THSD1: variants seen among roughly 807,000 people sequenced by gnomAD.
The protein encoded by THSD1 is thrombospondin type-1 domain-containing protein 1.
In THSD1, 34 loss-of-function variants were observed where a neutral mutation model predicts 46.3. The observed-to-expected ratio is 0.74, with a 90% CI of 0.56 to 0.98. THSD1 has a LOEUF of 0.98. THSD1 is among the 50% of genes least tolerant of loss of function. The pLI is 0.00. For synonymous variants in THSD1, 407 were observed against 416.5 expected, an observed-to-expected ratio of 0.98 and a Z score of 0.28; for missense variants, 1,023 against 1,058.3, an observed-to-expected ratio of 0.97 and a Z score of 0.46.
chr13:52,402,896 C>G (rs916558272), intron 1 of THSD1: 44 of 985,138 alleles, frequency 4.5e-5, no homozygotes, highest in Non-Finnish European at 4.7e-5. Flanking sequence ...GCAGGTATGC[C>G]CAACACCCAC....
chr13:52,403,333 C>T lies in THSD1; in HGVS notation c.-81-652G>A, dbSNP rs116947624. Among the ~76,000 whole-genome samples the T allele has an allele frequency of 5.4e-3, 828 of 152,296 alleles. 30 individuals carry two copies. The highest frequency in any genetic ancestry group is 0.045 in the Admixed American group (695 of 15,298). On this transcript the variant is annotated intron_variant, in intron 1 of 4. Transcript: ENST00000258613. ...AAGGAGAAAACAGACAAATAACAAT[C>T]ATCTTCATCAGTCCTGCAATACTTG...
chr13:52,378,288 T>A lies in THSD1; in HGVS notation c.1682A>T (p.Asp561Val). Residue 561 changes from aspartate to valine, a missense_variant, in exon 5 of 5, where the codon GAC (aspartate) becomes GTC (valine). Asp to Val is a radical substitution (Grantham distance 152). This residue lies in a region of THSD1 where 578 missense variants were observed against 497.4 expected (regional missense o/e 1.16). Coordinates refer to ENST00000258613, the MANE Select transcript of THSD1 (RefSeq NM_018676.4). ...VYHVSQSPLT[D>V]TAIDAAPSAP... ...GCTGGGGGCCGCATCAATGGCAGTG[T>A]CTGTCAGGGGACTCTGAGACACGTG... The A allele has an allele frequency of 1.2e-6, 2 of 1,614,232 alleles. No homozygotes were observed. The highest frequency in any genetic ancestry group is 1.7e-6 in the Non-Finnish European group (2 of 1,180,046).
chr13:52,394,613 GAAAA>G (rs747265774), intron 3 of THSD1, among the ~76,000 whole-genome samples: 1 of 109,120 alleles, frequency 9.2e-6, no homozygotes. Flanking sequence ...GACTGTCCCA[GAAAA>G]AAAAAAAAAA....
chr13:52,390,073 C>T (rs1361371529), intron 3 of THSD1, among the ~76,000 whole-genome samples: 1 of 150,478 alleles, frequency 6.6e-6, no homozygotes, highest in East Asian at 2.0e-4. Flanking sequence ...CAGGGGAAGT[C>T]GAGGCTTCAG....
At chr13:52,400,731 G>A (rs145800205) in intron 2 of THSD1, among the ~76,000 whole-genome samples, 46 of 152,032 alleles carry the variant, frequency 3.0e-4, no homozygotes, top group African/African-American at 7.2e-4. Flanking sequence ...ACAGATCTAC[G>A]ACAATACCTA....
intron 4 of THSD1, 69 bp from the exon 5 acceptor site, chr13:52,378,858 C>CTT: frequency 1.5e-6 from 2 of 1,328,260 alleles, no homozygotes; most frequent in Non-Finnish European, 2.0e-6. Context: ...TTTACTTTTT[C>CTT]TTTTCTTTTT....
chr13:52,386,173 C>T lies in THSD1; in HGVS notation c.1035G>A (p.Leu345=), dbSNP rs139206980. The T allele has an allele frequency of 1.1e-5, 18 of 1,613,980 alleles. No individual in the cohort carries two copies. Among genetic ancestry groups the T allele is most frequent in the Non-Finnish European group, 1.5e-5 (18 of 1,179,984 alleles). Residue 345 remains leucine, a synonymous_variant, in exon 4 of 5, where the codon CTG becomes CTA. Coordinates refer to ENST00000258613, the MANE Select transcript of THSD1 (RefSeq NM_018676.4). ...CACTACACTGGCTCCATGGCTGCCACAGTCCCCAAGTTTCTGCAAGGATAT... is the reference window on the plus strand; with the variant it reads ...CACTACACTGGCTCCATGGCTGCCATAGTCCCCAAGTTTCTGCAAGGATAT... The part of the protein sequence containing the change: ...LIQRNTETWG[L]WQPWSQCSAT...
chr13:52,379,123 A>G (rs1329109682), intron 4 of THSD1, among the ~76,000 whole-genome samples: 1 of 152,144 alleles, frequency 6.6e-6, no homozygotes, highest in Non-Finnish European at 1.5e-5. Context: ...TGGCCTCCCA[A>G]AGTGCTGGGA....
In THSD1 at chr13:52,397,443, T is replaced by A. The variant is rs1957820325; in HGVS notation, c.810A>T (p.Gly270=). 6.2e-7 allele frequency: 1 copy of A among 1,614,010 alleles called. No homozygotes were observed. Among genetic ancestry groups the A allele is most frequent in the South Asian group, 1.1e-5 (1 of 91,078 alleles). The change falls in exon 3 of 5, where the codon GGA becomes GGT. Residue 270 remains glycine, a synonymous_variant. Transcript: ENST00000258613. ...VLPPPCTFVQ[G]VVTVFKEAPR... is the part of the protein sequence containing the mutation. ...GGGCCTCCTTGAAGACAGTGACCACTCCTTGGACGAAGGTGCATGGTGGAG... is the reference window on the plus strand; with the variant it reads ...GGGCCTCCTTGAAGACAGTGACCACACCTTGGACGAAGGTGCATGGTGGAG...
At position 52,397,914 on chromosome 13, in the gene THSD1, T is replaced by G. The variant is rs1223341683; in HGVS notation, c.339A>C (p.Pro113=). Residue 113 remains proline, a synonymous_variant, in exon 3 of 5, where the codon CCA becomes CCC. Coordinates refer to ENST00000258613, the MANE Select transcript of THSD1 (RefSeq NM_018676.4). The part of the protein sequence containing the change: ...MTPEATDNST[P]FPWWEKSAFL... The stretch of plus-strand genomic sequence containing the variant: ...AGGCACTTTTCTCCCACCAGGGGAA[T>G]GGAGTGCTGTTGTCTGTTGCTTCTG... 6.2e-7 allele frequency: 1 copy of G among 1,614,138 alleles called. No individual in the cohort carries two copies. The highest frequency in any genetic ancestry group is 8.5e-7 in the Non-Finnish European group (1 of 1,180,052).
intron 3 of THSD1, 130 bp from the exon 4 acceptor site, chr13:52,386,316 T>C: frequency 1.2e-6 from 1 of 856,830 alleles, no homozygotes; most frequent in Non-Finnish European, 1.8e-6. Flanking sequence ...TTCCCAGAGA[T>C]GAAGAAAGCT....
Position 52,388,629 on chromosome 13 carries a change from G to A in THSD1, c.1022-2443C>T, listed in dbSNP as rs573176246. On this transcript the variant is annotated intron_variant, in intron 3 of 4. Transcript: ENST00000258613. Reference sequence around the variant, plus strand: ...CGAGTAGCTGGAATTACAGGCATGCGCCACCACATCCAGCTAACTTATGGT... The same window carrying A: ...CGAGTAGCTGGAATTACAGGCATGCACCACCACATCCAGCTAACTTATGGT... Among the ~76,000 whole-genome samples the A allele has an allele frequency of 1.1e-4, 16 of 151,970 alleles. No homozygotes were observed. In the South Asian group the frequency reaches 1.5e-3, roughly 14 times the overall value.
At chr13:52,405,574 C>T (rs1393676753) in intron 1 of THSD1, among the ~76,000 whole-genome samples, 5 of 152,208 alleles carry the variant, frequency 3.3e-5, no homozygotes, top group Admixed American at 6.5e-5. Flanking sequence ...GCCCCATCTA[C>T]TCAGCTTCCC....
At chr13:52,389,152 G>A (rs1030784508) in intron 3 of THSD1, among the ~76,000 whole-genome samples, 3 of 151,658 alleles carry the variant, frequency 2.0e-5, no homozygotes, top group Non-Finnish European at 4.4e-5. Context: ...TAGTAGAGAC[G>A]GGGTTTCACC....
At chr13:52,380,850 C>T (rs536987822) in intron 4 of THSD1, among the ~76,000 whole-genome samples, 1 of 152,154 alleles carries the variant, frequency 6.6e-6, no homozygotes, top group East Asian at 1.9e-4. Context: ...ATGCCCATGC[C>T]ATCCTTGCCA....
chr13:52,397,601 C>T lies in THSD1; in HGVS notation c.652G>A (p.Val218Met). 6.2e-7 allele frequency: 1 copy of T among 1,614,184 alleles called. No homozygotes were observed. The highest frequency in any genetic ancestry group is 8.5e-7 in the Non-Finnish European group (1 of 1,180,020). ...PLGPEAYVTVVLKLLGRDSVI... is the reference protein window; with the variant it reads ...PLGPEAYVTVMLKLLGRDSVI... ...GAGTCTCGCCCAAGCAGCTTCAGCACCACGGTGACATAGGCTTCTGGCCCC... is the reference window on the plus strand; with the variant it reads ...GAGTCTCGCCCAAGCAGCTTCAGCATCACGGTGACATAGGCTTCTGGCCCC... Residue 218 changes from valine (V) to methionine (M), a missense_variant, in exon 3 of 5, where the codon GTG becomes ATG. Val to Met is a conservative substitution (Grantham distance 21). Transcript: ENST00000258613.
At chr13:52,393,763 C>T (rs1013293262) in intron 3 of THSD1, among the ~76,000 whole-genome samples, 1 of 152,108 alleles carries the variant, frequency 6.6e-6, no homozygotes, top group Non-Finnish European at 1.5e-5. Flanking sequence ...ATGGTGAGTC[C>T]CTAAATGGTA....
chr13:52,396,265 T>A (rs1957809834), intron 3 of THSD1, among the ~76,000 whole-genome samples: 1 of 152,208 alleles, frequency 6.6e-6, no homozygotes, highest in African/African-American at 2.4e-5. Flanking sequence ...GGCTCATGCC[T>A]GTAATCCCAG....
rs1185785313 is a variant in THSD1 at position 52,377,936 on chromosome 13, G to C, written c.2034C>G (p.Ala678=). 6.2e-7 allele frequency: 1 copy of C among 1,614,002 alleles called. No individual in the cohort carries two copies. Among genetic ancestry groups the C allele is most frequent in the African/African-American group, 1.3e-5 (1 of 74,918 alleles). The change falls in exon 5 of 5, where the codon GCC becomes GCG. Residue 678 remains alanine (A), a synonymous_variant. Transcript: ENST00000258613. ...TCCGCGTCCTAGAGCTGTAGGCAGG[G>C]GCCTGCCGTGGAGTCAGAGTGGACA... ...RSMSTLTPRQ[A]PAYSSRTRTC... is the part of the protein sequence containing the mutation.
Sources: allele counts gnomAD v4.1 joint callset (sites outside exome capture counted in the v4.1 genomes callset), GRCh38; gene constraint gnomAD v4.1.1; regional missense constraint gnomAD v4.1.1; transcripts MANE v1.5; gene names NCBI Gene and HGNC (gene_info 2026-07-23, HGNC 2026-07-21).